Variants in GALNT17 observed in about 807,000 individuals in gnomAD.
The protein encoded by GALNT17 is polypeptide N-acetylgalactosaminyltransferase 17.
Under a neutral mutation model 63.7 loss-of-function variants are expected in GALNT17, and 29 were observed. The observed-to-expected ratio is 0.46, with a 90% CI of 0.34 to 0.62. The LOEUF (loss-of-function observed/expected upper bound fraction) is 0.62, where lower values mean the gene tolerates loss of function less well. Ranked by LOEUF, GALNT17 falls within the 20% of genes least tolerant of loss-of-function variation. The pLI, the probability that GALNT17 is intolerant of heterozygous loss-of-function variation, is 0.01. For synonymous variants in GALNT17, 305 were observed against 318.3 expected (o/e 0.96, Z 0.45); for missense variants, 603 against 799.6 (o/e 0.75, Z 2.97).
intron 6 of GALNT17, among the ~76,000 whole-genome samples, chr7:71,604,517 C>T (rs936497286): frequency 2.0e-5 from 3 of 152,162 alleles, no homozygotes; most frequent in Non-Finnish European, 4.4e-5. Context: ...TATTCTTATT[C>T]TTATTAGCAT....
intron 1 of GALNT17, among the ~76,000 whole-genome samples, chr7:71,327,063 C>T (rs1791717184): frequency 6.6e-6 from 1 of 152,204 alleles, no homozygotes; most frequent in Non-Finnish European, 1.5e-5. Flanking sequence ...GATCTAATCT[C>T]TATTCATCCA....
At chr7:71,289,119 A>C (rs536288719) in intron 1 of GALNT17, among the ~76,000 whole-genome samples, 60 of 152,150 alleles carry the variant, frequency 3.9e-4, no homozygotes, top group African/African-American at 1.4e-3. Context: ...TGACTCCCCC[A>C]AAACTTATTT....
At chr7:71,420,128 C>T (rs1786634806) in intron 4 of GALNT17, among the ~76,000 whole-genome samples, 1 of 152,146 alleles carries the variant, frequency 6.6e-6, no homozygotes, top group Non-Finnish European at 1.5e-5. Flanking sequence ...ATGATCCCTT[C>T]CCGCGCCTGC....
intron 5 of GALNT17, among the ~76,000 whole-genome samples, chr7:71,519,969 A>G (rs1313173182): frequency 6.6e-6 from 1 of 152,198 alleles, no homozygotes; most frequent in Non-Finnish European, 1.5e-5. Context: ...AATCAGCATG[A>G]TATATAAAAA....
At chr7:71,702,140 A>G (rs1791660530) in intron 9 of GALNT17, among the ~76,000 whole-genome samples, 1 of 151,776 alleles carries the variant, frequency 6.6e-6, no homozygotes, top group Non-Finnish European at 1.5e-5. Flanking sequence ...GTAGAGAGAG[A>G]GGGAGGAGGG....
rs185436046 is a variant in GALNT17 at position 71,303,308 on chromosome 7, T to C, written c.239-32242T>C. Among the ~76,000 whole-genome samples, 619 of 152,250 alleles carry C rather than the reference T, an allele frequency of 4.1e-3. 8 individuals carry two copies. The highest frequency in any genetic ancestry group is 0.014 in the African/African-American group (587 of 41,550). ...AGCAGAGACTATAGGTGAACACCAC[T>C]ACACCCAGCTAATTTATATTTTTTT... On this transcript the variant is annotated intron_variant, in intron 1 of 10. Transcript: ENST00000333538.
intron 1 of GALNT17, among the ~76,000 whole-genome samples, chr7:71,138,222 C>T (rs1209816376): frequency 6.6e-6 from 1 of 152,048 alleles, no homozygotes; most frequent in Non-Finnish European, 1.5e-5. Context: ...CCTGTGGTCC[C>T]AGCTCTTCAG....
intron 3 of GALNT17, among the ~76,000 whole-genome samples, chr7:71,409,009 C>T (rs1266101774): frequency 9.6e-6 from 1 of 103,708 alleles, no homozygotes; most frequent in African/African-American, 4.1e-5. Flanking sequence ...TATATATGCA[C>T]ATACACAAAC....
intron 2 of GALNT17, 82 bp from the exon 3 acceptor site, chr7:71,388,153 G>C: frequency 1.4e-6 from 2 of 1,479,830 alleles, no homozygotes; most frequent in Non-Finnish European, 1.8e-6. Flanking sequence ...GGATTCGGCT[G>C]AAATCTTACA....
chr7:71,216,800 G>GCA (rs869037635), intron 1 of GALNT17, among the ~76,000 whole-genome samples: 2 of 151,160 alleles, frequency 1.3e-5, no homozygotes, highest in Non-Finnish European at 3.0e-5. Flanking sequence ...ACACATATAT[G>GCA]CACACACACA....
intron 6 of GALNT17, among the ~76,000 whole-genome samples, chr7:71,616,544 TATA>T (rs1790206524): frequency 2.0e-5 from 3 of 146,780 alleles, no homozygotes; most frequent in South Asian, 4.2e-4. Flanking sequence ...AATATAAATA[TATA>T]ATAATTACAT....
At chr7:71,225,375 AAC>A (rs1399050510) in intron 1 of GALNT17, among the ~76,000 whole-genome samples, 1 of 152,240 alleles carries the variant, frequency 6.6e-6, no homozygotes, top group Non-Finnish European at 1.5e-5. Flanking sequence ...TTTTGAAGCA[AAC>A]ACATCTTATT....
intron 2 of GALNT17, among the ~76,000 whole-genome samples, chr7:71,346,819 C>T (rs1054498127): frequency 2.0e-5 from 3 of 152,078 alleles, no homozygotes. Context: ...CTTTTCAATT[C>T]TTTCGAAGCT....
chr7:71,245,600 G>C (rs1583793922), intron 1 of GALNT17, among the ~76,000 whole-genome samples: 1 of 152,240 alleles, frequency 6.6e-6, no homozygotes, highest in South Asian at 2.1e-4. Context: ...TCTAGTTCTG[G>C]GTCTCTGAAG....
At chr7:71,573,577 G>A (rs924504260) in intron 6 of GALNT17, among the ~76,000 whole-genome samples, 1 of 149,106 alleles carries the variant, frequency 6.7e-6, no homozygotes, top group East Asian at 2.0e-4. Flanking sequence ...CTTGTGATCT[G>A]CCCACCTCAG....
At chr7:71,225,860 G>A (rs1398349939) in intron 1 of GALNT17, among the ~76,000 whole-genome samples, 1 of 152,078 alleles carries the variant, frequency 6.6e-6, no homozygotes, top group Admixed American at 6.6e-5. Context: ...TGATGTTGAT[G>A]TATATTTTTG....
intron 5 of GALNT17, among the ~76,000 whole-genome samples, chr7:71,569,171 C>T (rs1479965683): frequency 6.6e-6 from 1 of 152,112 alleles, no homozygotes; most frequent in African/African-American, 2.4e-5. Context: ...GGGGTTTCAC[C>T]ATGTTGGCCA....
At chr7:71,570,171 G>T (rs962858879) in intron 5 of GALNT17, among the ~76,000 whole-genome samples, 4 of 151,808 alleles carry the variant, frequency 2.6e-5, no homozygotes, top group Non-Finnish European at 5.9e-5. Context: ...TTCCCCAGAA[G>T]AAACAACCAA....
At chr7:71,702,223 C>T (rs545719096) in intron 9 of GALNT17, among the ~76,000 whole-genome samples, 4 of 152,010 alleles carry the variant, frequency 2.6e-5, no homozygotes, top group South Asian at 2.1e-4. Flanking sequence ...GCCCAAACCT[C>T]AGCATTATGC....
Sources: allele counts gnomAD v4.1 joint callset (sites outside exome capture counted in the v4.1 genomes callset), GRCh38; gene constraint gnomAD v4.1.1; transcripts MANE v1.5; gene names NCBI Gene and HGNC (gene_info 2026-07-23, HGNC 2026-07-21).